The following NBEA variants were observed in gnomAD, a reference collection of about 807,000 sequenced individuals.
NBEA encodes neurobeachin.
A neutral mutation model predicts 343.4 loss-of-function variants in NBEA; 44 were observed. The observed-to-expected ratio is 0.13, with a 90% CI of 0.10 to 0.16. NBEA has a LOEUF of 0.16. NBEA is among the 10% of genes least tolerant of loss of function. The pLI is 1.00. For missense variants in NBEA, 2,555 were observed against 3,631.3 expected (o/e 0.70, Z 7.62); for synonymous variants, 1,175 against 1,238.7 (o/e 0.95, Z 1.08).
intron 36 of NBEA, among the ~76,000 whole-genome samples, chr13:35,338,346 ACT>A (rs1338261548): frequency 1.3e-5 from 2 of 151,984 alleles, no homozygotes; most frequent in African/African-American, 4.8e-5. Context: ...ATACTAGAAA[ACT>A]CTACATATGA....
rs916338957 is a variant in NBEA, at chr13:35,334,032, T to C, written c.5904-15076T>C. Among the ~76,000 whole-genome samples the C allele has an allele frequency of 2.6e-5, 4 of 152,110 alleles. No individual in the cohort carries two copies. In the South Asian group the frequency reaches 8.3e-4, roughly 32 times the overall value. ...AGAGTGTAGATAACTCTTCCGTAGA[T>C]CGATTTCCTTTCATTGGAGTATATA... On this transcript the variant is annotated intron_variant, in intron 36 of 58. Transcript: ENST00000379939.
chr13:35,361,735 C>A (rs1465592340), intron 38 of NBEA, among the ~76,000 whole-genome samples: 1 of 151,974 alleles, frequency 6.6e-6, no homozygotes, highest in Non-Finnish European at 1.5e-5. Flanking sequence ...ATGCCACATT[C>A]CTTCAGACTG....
chr13:35,330,921 T>C lies in NBEA; in HGVS notation c.5904-18187T>C, dbSNP rs2038888185. Among the ~76,000 whole-genome samples the C allele has an allele frequency of 2.0e-5, 3 of 152,062 alleles. No homozygotes were observed. The South Asian group carries it at 6.2e-4, about 31-fold the overall frequency. On this transcript the variant is annotated intron_variant, in intron 36 of 58. Coordinates refer to ENST00000379939, the MANE Select transcript of NBEA (RefSeq NM_001385012.1). The stretch of plus-strand genomic sequence containing the variant: ...TGCCTCAGTGTTCAGATCTTTGTAA[T>C]TTTACAGCCTATGAAAATGAGTAAA...
intron 18 of NBEA, among the ~76,000 whole-genome samples, chr13:35,148,351 C>G (rs915638968): frequency 6.6e-6 from 1 of 152,140 alleles, no homozygotes; most frequent in East Asian, 1.9e-4. Context: ...CTTGACACTA[C>G]AGAGTTGAGT....
chr13:35,587,121 A>C (rs374198020), intron 46 of NBEA, among the ~76,000 whole-genome samples: 64 of 152,290 alleles, frequency 4.2e-4, no homozygotes, highest in Middle Eastern at 3.4e-3. Flanking sequence ...ATTACCTATT[A>C]GCTGTGCGGA....
intron 41 of NBEA, among the ~76,000 whole-genome samples, chr13:35,523,149 A>C (rs1348719520): frequency 6.6e-6 from 1 of 152,188 alleles, no homozygotes; most frequent in Non-Finnish European, 1.5e-5. Flanking sequence ...ACCCTTTCTG[A>C]GTACCCATTA....
chr13:35,429,799 A>ATGTGTGTG (rs1361806369), intron 38 of NBEA, among the ~76,000 whole-genome samples: 1 of 38,092 alleles, frequency 2.6e-5, no homozygotes, highest in Admixed American at 2.9e-4. Context: ...TGAGTCCCCA[A>ATGTGTGTG]CGTGTGTGTG....
chr13:35,208,403 A>G (rs1001487647), intron 31 of NBEA, among the ~76,000 whole-genome samples: 2 of 152,258 alleles, frequency 1.3e-5, no homozygotes, highest in African/African-American at 4.8e-5. Context: ...CTTTAGCACA[A>G]ATTTCTTAAT....
intron 10 of NBEA, among the ~76,000 whole-genome samples, chr13:35,086,735 C>T (rs1417061151): frequency 6.6e-6 from 1 of 151,940 alleles, no homozygotes; most frequent in Non-Finnish European, 1.5e-5. Context: ...CATCTCCACA[C>T]TCTTTTCCAT....
chr13:35,107,394 A>G (rs1166408217), intron 11 of NBEA, among the ~76,000 whole-genome samples: 2 of 151,856 alleles, frequency 1.3e-5, no homozygotes, highest in East Asian at 1.9e-4. Context: ...TTGCTTATGT[A>G]GTAAGCACCA....
intron 12 of NBEA, 61 bp from the exon 13 acceptor site, chr13:35,110,749 T>C: frequency 1.5e-6 from 2 of 1,378,714 alleles, no homozygotes; most frequent in East Asian, 2.4e-5. Flanking sequence ...TGAATGTATA[T>C]AATATGAGCA....
intron 1 of NBEA, among the ~76,000 whole-genome samples, chr13:34,955,195 A>G (rs1012599330): frequency 2.0e-5 from 3 of 151,946 alleles, no homozygotes; most frequent in Admixed American, 6.6e-5. Context: ...TTTCTGCTTT[A>G]TAACTTTCAT....
At position 34,947,927 on chromosome 13, in the gene NBEA, A is replaced by G. The variant is rs150796235; in HGVS notation, c.294+4813A>G. 4.3e-3 allele frequency among the ~76,000 whole-genome samples: 653 copies of G among 152,300 alleles called. 2 individuals carry two copies. The highest frequency in any genetic ancestry group is 5.9e-3 in the Non-Finnish European group (398 of 68,010). On this transcript the variant is annotated intron_variant, in intron 1 of 58. Coordinates refer to ENST00000379939, the MANE Select transcript of NBEA (RefSeq NM_001385012.1). Reference sequence around the variant, plus strand: ...TACCTGACTGTGTAGGCATTACTGCATATGTAGATGTTATTTTGAACTGGC... The same window carrying G: ...TACCTGACTGTGTAGGCATTACTGCGTATGTAGATGTTATTTTGAACTGGC...
intron 25 of NBEA, chr13:35,170,957 A>T: frequency 6.3e-6 from 2 of 317,312 alleles, no homozygotes; most frequent in South Asian, 6.5e-5. Context: ...TAGTATAAGT[A>T]CATATATGTG....
intron 17 of NBEA, among the ~76,000 whole-genome samples, chr13:35,136,368 G>A (rs1189012613): frequency 1.3e-5 from 2 of 152,102 alleles, no homozygotes; most frequent in Admixed American, 1.3e-4. Context: ...AACTGAGATT[G>A]ATGTTCTGTG....
At chr13:35,651,325 G>T (rs144195151) in intron 52 of NBEA, among the ~76,000 whole-genome samples, 3 of 152,142 alleles carry the variant, frequency 2.0e-5, no homozygotes, top group African/African-American at 7.2e-5. Context: ...TTGGATGGGA[G>T]CCCCAGCTTC....
chr13:35,180,988 G>A (rs887266272), intron 28 of NBEA, among the ~76,000 whole-genome samples: 3 of 151,714 alleles, frequency 2.0e-5, no homozygotes, highest in Admixed American at 1.3e-4. Context: ...AGGTTGCTGC[G>A]AATGCCATTA....
intron 56 of NBEA, among the ~76,000 whole-genome samples, chr13:35,666,466 C>T (rs1593520612): frequency 6.8e-6 from 1 of 147,936 alleles, no homozygotes; most frequent in South Asian, 2.2e-4. Context: ...AAGAAAGAGA[C>T]ATTTCCTGCA....
chr13:35,220,699 A>G (rs1284511022), intron 33 of NBEA, among the ~76,000 whole-genome samples: 2 of 151,664 alleles, frequency 1.3e-5, no homozygotes, highest in African/African-American at 4.8e-5. Flanking sequence ...GGCGCTGTGG[A>G]TTTTCTTTGT....
Sources: allele counts gnomAD v4.1 joint callset (sites outside exome capture counted in the v4.1 genomes callset), GRCh38; gene constraint gnomAD v4.1.1; transcripts MANE v1.5; gene names NCBI Gene and HGNC (gene_info 2026-07-23, HGNC 2026-07-21).